The following LRRFIP1 variants were observed in gnomAD, a reference collection of about 807,000 sequenced individuals.
LRRFIP1 encodes leucine-rich repeat flightless-interacting protein 1.
A neutral mutation model predicts 104.4 loss-of-function variants in LRRFIP1; 62 were observed. The observed-to-expected ratio is 0.59, with a 90% CI of 0.48 to 0.73. LRRFIP1 has a LOEUF of 0.73. Among genes scored for constraint, LRRFIP1 ranks in the 30% least tolerant of loss-of-function variants. The pLI is 0.00. For synonymous variants in LRRFIP1, 300 were observed against 299.0 expected (o/e 1.00, Z -0.03); for missense variants, 796 against 824.5 (o/e 0.97, Z 0.42).
At chr2:237,629,654 T>C (rs1419526593) in intron 1 of LRRFIP1, among the ~76,000 whole-genome samples, 1 of 152,058 alleles carries the variant, frequency 6.6e-6, no homozygotes, top group Non-Finnish European at 1.5e-5. Flanking sequence ...GTATTTTTAA[T>C]AGAGACGGGG....
chr2:237,645,979 T>C (rs915260136), intron 1 of LRRFIP1, among the ~76,000 whole-genome samples: 4 of 151,992 alleles, frequency 2.6e-5, no homozygotes, highest in Admixed American at 2.6e-4. Flanking sequence ...TTTTTTCTTT[T>C]CCTTAGCTCT....
At chr2:237,682,200 A>G (rs1419274440) in intron 1 of LRRFIP1, among the ~76,000 whole-genome samples, 1 of 152,194 alleles carries the variant, frequency 6.6e-6, no homozygotes, top group African/African-American at 2.4e-5. Flanking sequence ...TTGCGGGAAA[A>G]AAATAATCTG....
At chr2:237,633,352 G>A (rs1312049693) in intron 1 of LRRFIP1, among the ~76,000 whole-genome samples, 1 of 152,172 alleles carries the variant, frequency 6.6e-6, no homozygotes, top group Non-Finnish European at 1.5e-5. Flanking sequence ...ATGCTTCTGG[G>A]TTTCTGAGTC....
intron 1 of LRRFIP1, among the ~76,000 whole-genome samples, chr2:237,638,756 T>C (rs948596274): frequency 6.6e-6 from 1 of 152,212 alleles, no homozygotes; most frequent in African/African-American, 2.4e-5. Context: ...TGTCGACCAG[T>C]GTAGCTCCAG....
rs372663400 is a variant in LRRFIP1, at chr2:237,749,172, C to T, written c.670-27C>T. On this transcript the variant is annotated intron_variant, in intron 12 of 23. Transcript: ENST00000308482. ...GTGGGGACACAGAGCTAAACCATAT[C>T]AGCATGTGATCCTCTCAACGTTCCA... is the stretch of plus-strand genomic sequence containing the variant. The T allele has an allele frequency of 4.8e-5, 77 of 1,608,374 alleles. 1 individual carries two copies. The Middle Eastern group carries it at 8.3e-4, about 17-fold the overall frequency.
At chr2:237,742,051 T>TA (rs956097646) in intron 11 of LRRFIP1, among the ~76,000 whole-genome samples, 1 of 152,176 alleles carries the variant, frequency 6.6e-6, no homozygotes, top group African/African-American at 2.4e-5. Flanking sequence ...TATAGTCACT[T>TA]AGAGATTGAA....
intron 1 of LRRFIP1, among the ~76,000 whole-genome samples, chr2:237,701,553 C>T (rs970269827): frequency 1.3e-5 from 2 of 152,232 alleles, no homozygotes; most frequent in African/African-American, 4.8e-5. Context: ...CAGCCTGAGC[C>T]GGGCTGTCCC....
In LRRFIP1 at chr2:237,703,020, A is replaced by G. The variant is rs2093619316; in HGVS notation, c.97-5524A>G. Reference sequence around the variant, plus strand: ...AGGCTTCAGGGTGTAGGACCCCAGGAGCAGGCAAGGGCTTGCTCTTTCCCT... The same window carrying G: ...AGGCTTCAGGGTGTAGGACCCCAGGGGCAGGCAAGGGCTTGCTCTTTCCCT... On this transcript the variant is annotated intron_variant, in intron 1 of 23. Transcript: ENST00000308482. This position sits in a 1 kb window ranked among gnomAD's most constrained non-coding sequence, Gnocchi z 4.3. 6.6e-6 allele frequency among the ~76,000 whole-genome samples: 1 copy of G among 152,170 alleles called. No individual in the cohort carries two copies. The highest frequency in any genetic ancestry group is 6.5e-5 in the Admixed American group (1 of 15,280).
chr2:237,716,399 A>G (rs929256666), intron 3 of LRRFIP1, among the ~76,000 whole-genome samples: 2 of 151,894 alleles, frequency 1.3e-5, no homozygotes, highest in Non-Finnish European at 2.9e-5. Flanking sequence ...TCCTTTTTGT[A>G]CTCATGTCCT....
intron 13 of LRRFIP1, among the ~76,000 whole-genome samples, chr2:237,750,119 A>G (rs1328773441): frequency 3.3e-5 from 5 of 152,120 alleles, no homozygotes; most frequent in East Asian, 3.9e-4. Context: ...ATGTCTGAGC[A>G]GCTGGATGGC....
chr2:237,659,989 AT>A (rs2149454751), intron 1 of LRRFIP1, among the ~76,000 whole-genome samples: 1 of 152,330 alleles, frequency 6.6e-6, no homozygotes, highest in East Asian at 1.9e-4. Context: ...TACAAATCCC[AT>A]AAGTTACCCC....
intron 23 of LRRFIP1, among the ~76,000 whole-genome samples, chr2:237,776,039 A>G (rs980037546): frequency 3.3e-5 from 5 of 151,942 alleles, no homozygotes; most frequent in South Asian, 4.2e-4. Context: ...ATCTCGGCTC[A>G]CTGCAACCTC....
intron 1 of LRRFIP1, among the ~76,000 whole-genome samples, chr2:237,658,995 C>T (rs116645975): frequency 0.025 from 3,753 of 152,144 alleles, 156 homozygotes; most frequent in African/African-American, 0.084. Flanking sequence ...TGGTACAAAA[C>T]GGAAAATGCA....
chr2:237,728,490 AGAGG>A (rs1383405252), intron 8 of LRRFIP1, among the ~76,000 whole-genome samples: 3 of 112,460 alleles, frequency 2.7e-5, no homozygotes, highest in African/African-American at 1.0e-4. Flanking sequence ...AGGGGGAGAG[AGAGG>A]GAGTGGTGCC....
intron 11 of LRRFIP1, among the ~76,000 whole-genome samples, 183 bp downstream of exon 11, chr2:237,739,492 T>C (rs2095350751): frequency 6.6e-6 from 1 of 152,244 alleles, no homozygotes; most frequent in South Asian, 2.1e-4. Flanking sequence ...ATGGGGATCT[T>C]AGAGGAGGCA....
At position 237,711,238 on chromosome 2, in the gene LRRFIP1, AC is replaced by A. The variant is rs1421635374; in HGVS notation, c.183+2609del. ...ACATCTGATGAAATCGGGAAGTCTCACGTAAAACGCCATGGTTTGCCTTCTT... is the reference window on the plus strand; with the variant it reads ...ACATCTGATGAAATCGGGAAGTCTCAGTAAAACGCCATGGTTTGCCTTCTT... On this transcript the variant is annotated intron_variant, in intron 2 of 23. Coordinates refer to ENST00000308482, the MANE Select transcript of LRRFIP1 (RefSeq NM_001137550.2). The surrounding 1 kb of genome is among the most constrained non-coding windows in gnomAD (Gnocchi z 4.4). 8.5e-5 allele frequency among the ~76,000 whole-genome samples: 13 copies of A among 152,352 alleles called. No individual in the cohort carries two copies. The highest frequency in any genetic ancestry group is 3.1e-4 in the African/African-American group (13 of 41,586).
In LRRFIP1 at chr2:237,739,320, C is replaced by A; in HGVS notation, c.633+11C>A. 1 of 1,550,482 alleles carries A rather than the reference C, an allele frequency of 6.4e-7. No individual in the cohort carries two copies. The highest frequency in any genetic ancestry group is 8.7e-7 in the Non-Finnish European group (1 of 1,148,922). On this transcript the variant is annotated intron_variant, in intron 11 of 23. Coordinates refer to ENST00000308482, the MANE Select transcript of LRRFIP1 (RefSeq NM_001137550.2). Reference sequence around the variant, plus strand: ...CGGGCCAGCCCTGTGGTAAGTCGGCCTCCTGGCCTTGCTCCTACTCAGTGT... The same window carrying A: ...CGGGCCAGCCCTGTGGTAAGTCGGCATCCTGGCCTTGCTCCTACTCAGTGT...
intron 11 of LRRFIP1, among the ~76,000 whole-genome samples, chr2:237,746,743 G>A (rs901877479): frequency 6.6e-6 from 1 of 152,254 alleles, no homozygotes; most frequent in Non-Finnish European, 1.5e-5. Flanking sequence ...TGCACCCAAC[G>A]TGAGAATGGA....
chr2:237,771,131 A>G (rs115728177), intron 20 of LRRFIP1, among the ~76,000 whole-genome samples: 3,160 of 152,172 alleles, frequency 0.021, 111 homozygotes, highest in African/African-American at 0.072. Flanking sequence ...ACCTGCAACA[A>G]TTCTTCACAG....
Sources: gnomAD v4.1 joint callset for allele counts (sites outside exome capture counted in the v4.1 genomes callset) on GRCh38, gnomAD v4.1.1 for gene constraint, Gnocchi (gnomAD v3.1) non-coding constraint, MANE v1.5 for transcripts, NCBI Gene and HGNC (gene_info 2026-07-23, HGNC 2026-07-21) for gene names.